SLC44A5: variants seen among roughly 807,000 people sequenced by gnomAD.
SLC44A5 encodes solute carrier family 44 member 5.
A neutral mutation model predicts 101.8 loss-of-function variants in SLC44A5; 57 were observed. That is an observed-to-expected ratio of 0.56 (90% confidence interval 0.45 to 0.70). The LOEUF (loss-of-function observed/expected upper bound fraction) is 0.70. Ranked by LOEUF, SLC44A5 falls within the 30% of genes least tolerant of loss-of-function variation. The pLI is 0.00. For synonymous variants in SLC44A5, 281 were observed against 290.9 expected (o/e 0.97, Z 0.35); for missense variants, 737 against 853.1 (o/e 0.86, Z 1.70).
chr1:75,269,262 T>C lies in SLC44A5; in HGVS notation c.260+5696A>G, dbSNP rs182050472. The stretch of plus-strand genomic sequence containing the variant: ...GACTTTTACCTACTTTCATATAGGA[T>C]GATCTTTTTTTCTTTTTGATTTTGA... On this transcript the variant is annotated intron_variant, in intron 6 of 23. Transcript: ENST00000370859. 2.0e-3 allele frequency among the ~76,000 whole-genome samples: 298 copies of C among 152,252 alleles called. 1 individual carries two copies. The highest frequency in any genetic ancestry group is 6.7e-3 in the African/African-American group (280 of 41,580).
chr1:75,643,871 C>T, the SLC44A5 span, among the ~76,000 whole-genome samples: 3 of 152,170 alleles, frequency 2.0e-5, no homozygotes, highest in East Asian at 1.9e-4. Context: ...AGCATAAGAA[C>T]AGACTGAAAC....
intron 3 of SLC44A5, among the ~76,000 whole-genome samples, chr1:75,384,430 CAAACCAACA>C (rs1373978839): frequency 7.3e-6 from 1 of 136,802 alleles, no homozygotes; most frequent in Non-Finnish European, 1.6e-5. Context: ...AAACAGACTT[CAAACCAACA>C]AAGATCAAAA....
the SLC44A5 span, among the ~76,000 whole-genome samples, chr1:75,669,694 A>C: frequency 6.6e-5 from 10 of 152,210 alleles, no homozygotes; most frequent in South Asian, 1.0e-3. Flanking sequence ...CCACACATAC[A>C]CACACAAACA....
chr1:75,598,962 A>G (rs1370389496), intron 1 of SLC44A5, among the ~76,000 whole-genome samples: 1 of 152,186 alleles, frequency 6.6e-6, no homozygotes, highest in South Asian at 2.1e-4. Flanking sequence ...ACAAATATAT[A>G]TATAATGTTG....
chr1:75,698,753 GA>G, the SLC44A5 span, among the ~76,000 whole-genome samples: 98 of 152,034 alleles, frequency 6.4e-4, no homozygotes, highest in Non-Finnish European at 1.2e-3. Context: ...TGAAAACTTT[GA>G]AAAAAATTTA....
At chr1:75,492,811 T>C (rs1668491728) in intron 2 of SLC44A5, among the ~76,000 whole-genome samples, 2 of 152,226 alleles carry the variant, frequency 1.3e-5, no homozygotes, top group Non-Finnish European at 2.9e-5. Flanking sequence ...TAACAAATTC[T>C]ACCCCTTGGC....
intron 2 of SLC44A5, among the ~76,000 whole-genome samples, chr1:75,472,113 G>C (rs889600967): frequency 6.6e-6 from 1 of 151,344 alleles, no homozygotes; most frequent in East Asian, 1.9e-4. Flanking sequence ...CTGGGGCCTG[G>C]GTGTTTATTC....
At chr1:75,676,726 C>G in the SLC44A5 span, among the ~76,000 whole-genome samples, 1 of 152,098 alleles carries the variant, frequency 6.6e-6, no homozygotes, top group Admixed American at 6.6e-5. Context: ...AGTAACAAAA[C>G]TTCCAAAACC....
the SLC44A5 span, among the ~76,000 whole-genome samples, chr1:75,644,671 G>C: frequency 6.6e-6 from 1 of 151,428 alleles, no homozygotes; most frequent in African/African-American, 2.4e-5. Flanking sequence ...TTAAGTTCTA[G>C]AGTACATGTG....
chr1:75,696,140 G>A, the SLC44A5 span, among the ~76,000 whole-genome samples: 1 of 152,110 alleles, frequency 6.6e-6, no homozygotes, highest in Non-Finnish European at 1.5e-5. Context: ...TCAGATGAGG[G>A]TCCTGATTTA....
At chr1:75,389,945 G>A (rs1162880455) in intron 3 of SLC44A5, among the ~76,000 whole-genome samples, 2 of 152,130 alleles carry the variant, frequency 1.3e-5, no homozygotes, top group Middle Eastern at 3.4e-3. Flanking sequence ...GAAAAAAAGA[G>A]AGACAATTCA....
intron 3 of SLC44A5, among the ~76,000 whole-genome samples, chr1:75,371,720 C>T (rs532906159): frequency 7.2e-4 from 110 of 152,174 alleles, no homozygotes; most frequent in Middle Eastern, 6.8e-3. Context: ...GACTAACCTA[C>T]GAAAAGCTAA....
chr1:75,368,701 C>G (rs909774673), intron 3 of SLC44A5, among the ~76,000 whole-genome samples: 3 of 151,632 alleles, frequency 2.0e-5, no homozygotes, highest in Non-Finnish European at 4.4e-5. Flanking sequence ...CTGAATGCTC[C>G]AAATCAAATC....
At chr1:75,266,730 A>C (rs1332881404) in intron 6 of SLC44A5, among the ~76,000 whole-genome samples, 1 of 152,224 alleles carries the variant, frequency 6.6e-6, no homozygotes, top group Non-Finnish European at 1.5e-5. Context: ...GAATTTACTG[A>C]GCACATATTG....
chr1:75,577,947 GATTATAA>G (rs1673465535), intron 1 of SLC44A5, among the ~76,000 whole-genome samples: 1 of 152,032 alleles, frequency 6.6e-6, no homozygotes, highest in South Asian at 2.1e-4. Context: ...TATATACTGT[GATTATAA>G]ATTACATTAG....
chr1:75,711,968 C>T, the SLC44A5 span, among the ~76,000 whole-genome samples: 763 of 152,300 alleles, frequency 5.0e-3, 9 homozygotes, highest in East Asian at 0.014. Context: ...ATAGTCCTCT[C>T]ACTCTAGTTC....
At chr1:75,391,460 A>G (rs1213073910) in intron 3 of SLC44A5, among the ~76,000 whole-genome samples, 1 of 152,136 alleles carries the variant, frequency 6.6e-6, no homozygotes, top group African/African-American at 2.4e-5. Context: ...CACATTACCT[A>G]ATTTCAAACT....
chr1:75,319,652 A>G (rs888592487), intron 4 of SLC44A5, among the ~76,000 whole-genome samples: 1 of 152,154 alleles, frequency 6.6e-6, no homozygotes, highest in African/African-American at 2.4e-5. Flanking sequence ...CCTTTCTACT[A>G]TCATCATTCT....
the SLC44A5 span, among the ~76,000 whole-genome samples, chr1:75,666,306 A>G: frequency 0.91 from 137,980 of 152,160 alleles, 62,763 homozygotes; most frequent in Middle Eastern, 0.94. Flanking sequence ...ACACCTCTAC[A>G]CAAATAAACT....
Sources: gnomAD v4.1 joint callset for allele counts (sites outside exome capture counted in the v4.1 genomes callset) on GRCh38, gnomAD v4.1.1 for gene constraint, MANE v1.5 for transcripts, NCBI Gene and HGNC (gene_info 2026-07-23, HGNC 2026-07-21) for gene names.